ZNF48: variants seen among roughly 807,000 people sequenced by gnomAD.
ZNF48 encodes the protein zinc finger protein 48.
Under a neutral mutation model 40.0 loss-of-function variants are expected in ZNF48, and 20 were observed. That is an observed-to-expected ratio of 0.50 (90% CI 0.35 to 0.73). The LOEUF (loss-of-function observed/expected upper bound fraction) is 0.73, where lower values mean the gene tolerates loss of function less well. ZNF48 is among the 30% of genes least tolerant of loss of function. ZNF48 has a pLI of 0.01. For synonymous variants in ZNF48, 298 were observed against 329.7 expected (o/e 0.90, Z 1.04); for missense variants, 726 against 851.9 (o/e 0.85, Z 1.84).
chr16:30,388,266 G>A (rs1192363127), intron 1 of ZNF48, among the ~76,000 whole-genome samples: 3 of 152,096 alleles, frequency 2.0e-5, no homozygotes, highest in Non-Finnish European at 4.4e-5. Context: ...GAGCCACCAC[G>A]CCAGGCCTGT....
At position 30,382,249 on chromosome 16, in the gene ZNF48, C is replaced by T. The variant is rs2049860343; in HGVS notation, c.-16+3839C>T. ...GGGCCTCCTAAGGACATCCCCTCCGCAGTTCCCTCTCCAAAACCCCCAGAC... is the reference window on the plus strand; with the variant it reads ...GGGCCTCCTAAGGACATCCCCTCCGTAGTTCCCTCTCCAAAACCCCCAGAC... On this transcript the variant is annotated intron_variant, in intron 1 of 2. Coordinates refer to the ZNF48 transcript ENST00000528032. This position sits in a 1 kb window ranked among gnomAD's most constrained non-coding sequence, Gnocchi z 4.8. The T allele has an allele frequency of 6.2e-7, 1 of 1,613,124 alleles. No homozygotes were observed. The highest frequency in any genetic ancestry group is 1.1e-5 in the South Asian group (1 of 91,040).
Position 30,384,038 on chromosome 16 carries a change from G to A in ZNF48, c.-16+5628G>A, listed in dbSNP as rs550986375. Among the ~76,000 whole-genome samples, 6 of 151,756 alleles carry A rather than the reference G, an allele frequency of 4.0e-5. No homozygotes were observed. The South Asian group carries it at 1.0e-3, about 26-fold the overall frequency. On this transcript the variant is annotated intron_variant, in intron 1 of 2. Transcript: ENST00000528032. ...TCAAGACCAGCCTGGCCAACATGGC[G>A]AGACCCTGTCTAGCAAAAATACAAA...
chr16:30,397,270 C>T lies in ZNF48; in HGVS notation c.80-60C>T. 6.8e-7 allele frequency: 1 copy of T among 1,461,028 alleles called. No homozygotes were observed. The highest frequency in any genetic ancestry group is 9.3e-7 in the Non-Finnish European group (1 of 1,076,660). 90.5% of individuals were successfully genotyped at this position (1,461,028 alleles called of 1,614,324 possible). Reference sequence around the variant, plus strand: ...CAAGGGAGTCTTCCTGGAGAGGTTGCTGTCAAAGATAAGTACCGAGCCAAA... The same window carrying T: ...CAAGGGAGTCTTCCTGGAGAGGTTGTTGTCAAAGATAAGTACCGAGCCAAA... On this transcript the variant is annotated intron_variant, in intron 2 of 2. Transcript: ENST00000613509. The surrounding 1 kb of genome is among the most constrained non-coding windows in gnomAD (Gnocchi z 4.1).
chr16:30,385,068 C>T (rs1026635587), intron 1 of ZNF48, among the ~76,000 whole-genome samples: 17 of 151,558 alleles, frequency 1.1e-4, no homozygotes, highest in African/African-American at 3.4e-4. Flanking sequence ...CCCAGCTACA[C>T]GGGAGCTGAA....
At position 30,395,577 on chromosome 16, in the gene ZNF48, A is replaced by C; in HGVS notation, c.-17A>C. 1 of 232,840 alleles carries C rather than the reference A, an allele frequency of 4.3e-6. No individual in the cohort carries two copies. The highest frequency in any genetic ancestry group is 7.9e-6 in the Non-Finnish European group (1 of 127,100). The allele number at this position is 232,840 out of a possible 1,614,324, so 14.4% of individuals were successfully genotyped here. On this transcript the variant is annotated splice_region_variant and 5_prime_UTR_variant, in exon 1 of 3. Coordinates refer to ENST00000613509, the MANE Select transcript of ZNF48 (RefSeq NM_001214909.2). This position sits in a 1 kb window ranked among gnomAD's most constrained non-coding sequence, Gnocchi z 5.9. ...GTGGCGGAGCCGGAGGCGGCCGGCA[A>C]GGTGAGAGCGGCGGCTGCGCGCTGG...
chr16:30,384,478 C>G (rs532877160), intron 1 of ZNF48, among the ~76,000 whole-genome samples: 1 of 152,100 alleles, frequency 6.6e-6, no homozygotes, highest in Non-Finnish European at 1.5e-5. Flanking sequence ...GAGCCAAGAT[C>G]GTGCCACTGC....
chr16:30,387,176 C>G (rs1377772350), intron 1 of ZNF48, among the ~76,000 whole-genome samples: 4 of 148,342 alleles, frequency 2.7e-5, no homozygotes, highest in Non-Finnish European at 1.5e-5. Context: ...ATCTCCTGAC[C>G]TTGTGATCCG....
intron 1 of ZNF48, among the ~76,000 whole-genome samples, chr16:30,389,035 C>A (rs1355595464): frequency 6.6e-6 from 1 of 151,760 alleles, no homozygotes. Context: ...CTGAGGCAGG[C>A]GGATCATGAG....
rs757131641 is a variant in ZNF48, at chr16:30,398,427, C to T, written c.1177C>T (p.Pro393Ser). The T allele has an allele frequency of 3.1e-6, 5 of 1,604,336 alleles. No individual in the cohort carries two copies. Among genetic ancestry groups the T allele is most frequent in the East Asian group, 4.5e-5 (2 of 44,720 alleles). Residue 393 changes from proline to serine, a missense_variant, in exon 3 of 3, where the codon CCC becomes TCC. Transcript: ENST00000613509. The surrounding 1 kb of genome is among the most constrained non-coding windows in gnomAD (Gnocchi z 6.6). ...CCAGGACTTCAGCTTCCCAGGCTAT[C>T]CCCTACCCGCTCTGATCCCCAGCCC... ...EPQDFSFPGY[P>S]LPALIPSPPP... is the part of the protein sequence containing the mutation.
At chr16:30,388,083 C>T (rs1384063805) in intron 1 of ZNF48, among the ~76,000 whole-genome samples, 1 of 152,010 alleles carries the variant, frequency 6.6e-6, no homozygotes, top group East Asian at 1.9e-4. Flanking sequence ...TCTCCTACCT[C>T]AGCCTCCCAA....
chr16:30,378,666 G>C (rs1567422421), intron 1 of ZNF48: 3 of 1,609,998 alleles, frequency 1.9e-6, no homozygotes, highest in Non-Finnish European at 2.5e-6. Context: ...AGCATGGGCA[G>C]CGGGATCTCT....
intron 1 of ZNF48, among the ~76,000 whole-genome samples, chr16:30,383,971 C>G (rs1017882640): frequency 3.3e-5 from 5 of 152,192 alleles, no homozygotes; most frequent in African/African-American, 1.2e-4. Flanking sequence ...AATCCCAGCA[C>G]TTTGGGAGGC....
At chr16:30,379,311 A>AC in intron 1 of ZNF48, 2 of 1,441,630 alleles carry the variant, frequency 1.4e-6, no homozygotes, top group Non-Finnish European at 9.6e-7. Context: ...CAGCCCAGCG[A>AC]CCCCCCTTTC....
At chr16:30,394,030 C>CTT (rs761579523), upstream of ZNF48, among the ~76,000 whole-genome samples, 18 of 143,280 alleles carry the variant, frequency 1.3e-4, no homozygotes, top group Non-Finnish European at 2.0e-4. Flanking sequence ...TTCTCTCTCT[C>CTT]TTTTTTTTTT....
At chr16:30,396,689 T>C (rs974848179) in intron 2 of ZNF48, among the ~76,000 whole-genome samples, 6 of 99,842 alleles carry the variant, frequency 6.0e-5, no homozygotes, top group East Asian at 2.2e-4. Context: ...GCTTTGCTAC[T>C]TTTTTTTTTT....
rs1317424676 is a variant in ZNF48, at chr16:30,397,119, C to A, written c.80-211C>A. 1.3e-5 allele frequency among the ~76,000 whole-genome samples: 2 copies of A among 152,108 alleles called. No individual in the cohort carries two copies. Among genetic ancestry groups the A allele is most frequent in the African/African-American group, 4.8e-5 (2 of 41,406 alleles). On this transcript the variant is annotated intron_variant, in intron 2 of 2. Coordinates refer to ENST00000613509, the MANE Select transcript of ZNF48 (RefSeq NM_001214909.2). This position sits in a 1 kb window ranked among gnomAD's most constrained non-coding sequence, Gnocchi z 4.1. Reference sequence around the variant, plus strand: ...TGTTTGCAAGCGTTTAATACTAATGCTGAGTTTGGTGAATGACATACATTA... The same window carrying A: ...TGTTTGCAAGCGTTTAATACTAATGATGAGTTTGGTGAATGACATACATTA...
At chr16:30,391,930 C>T (rs1027061936), upstream of ZNF48, among the ~76,000 whole-genome samples, 17 of 152,194 alleles carry the variant, frequency 1.1e-4, 1 homozygote, top group African/African-American at 3.9e-4. Context: ...TTTCACCTCC[C>T]GCGCCCAAGA....
At chr16:30,378,818 G>T in intron 1 of ZNF48, 1 of 845,960 alleles carries the variant, frequency 1.2e-6, no homozygotes, top group Non-Finnish European at 1.7e-6. Context: ...AGTTCCTTGA[G>T]GTTAGGGCCG....
chr16:30,394,604 C>T (rs77927272), upstream of ZNF48: 2,979 of 152,792 alleles, frequency 0.019, 102 homozygotes, highest in African/African-American at 0.063. Flanking sequence ...TGTCTCTGCC[C>T]GTTTCGCTCA....
Sources: gnomAD v4.1 joint callset for allele counts (sites outside exome capture counted in the v4.1 genomes callset) on GRCh38, gnomAD v4.1.1 for gene constraint, Gnocchi (gnomAD v3.1) non-coding constraint, MANE v1.5 for transcripts, NCBI Gene and HGNC (gene_info 2026-07-23, HGNC 2026-07-21) for gene names.